The following NCOA6 variants were observed in gnomAD, a reference collection of about 807,000 sequenced individuals.
NCOA6 encodes NRC RAP250.
A neutral mutation model predicts 171.4 loss-of-function variants in NCOA6; 49 were observed. That is an observed-to-expected ratio of 0.29 (90% CI 0.23 to 0.36). NCOA6 has a LOEUF of 0.36. Among genes scored for constraint, NCOA6 ranks in the 10% least tolerant of loss-of-function variants. The pLI is 1.00. For missense variants in NCOA6, 2,248 were observed against 2,554.5 expected (o/e 0.88, Z 2.59); for synonymous variants, 910 against 927.5 (o/e 0.98, Z 0.34).
intron 3 of NCOA6, among the ~76,000 whole-genome samples, chr20:34,779,828 CTAA>C (rs1301999088): frequency 7.8e-6 from 1 of 128,306 alleles, no homozygotes; most frequent in Non-Finnish European, 1.7e-5. Flanking sequence ...TTCACTTGTT[CTAA>C]TGTGGAAAAA....
At chr20:34,758,662 G>A in intron 6 of NCOA6, 143 bp downstream of exon 6, 1 of 1,099,352 alleles carries the variant, frequency 9.1e-7, no homozygotes, top group South Asian at 1.4e-5. Flanking sequence ...CATTTAGTTT[G>A]AAGAAATCAG....
chr20:34,742,661 T>C lies in NCOA6; in HGVS notation c.3595A>G (p.Asn1199Asp). The C allele has an allele frequency of 6.2e-7, 1 of 1,614,116 alleles. No homozygotes were observed. The highest frequency in any genetic ancestry group is 1.1e-5 in the South Asian group (1 of 91,072). The change falls in exon 11 of 15, where the codon AAT (asparagine) becomes GAT (aspartate). Residue 1199 changes from asparagine to aspartate, a missense_variant. Physicochemically the swap from Asn to Asp is conservative, Grantham distance 23. This residue lies in a region of NCOA6 where 352 missense variants were observed against 419.1 expected (regional missense o/e 0.84). Transcript: ENST00000359003. ...GATGTCTGGGTTGGCGCAGCCACAT[T>C]TGGGAAGTGGTGGCCGTGAGAGCTG... is the stretch of plus-strand genomic sequence containing the variant. ...LPSSHGHHFP[N>D]VAAPTQTSRP...
chr20:34,794,345 C>G (rs187360241), intron 1 of NCOA6, among the ~76,000 whole-genome samples: 16 of 152,278 alleles, frequency 1.1e-4, no homozygotes. Flanking sequence ...AATTCCACTT[C>G]TGGATAGCAA....
At chr20:34,803,923 G>A (rs1478898423) in intron 1 of NCOA6, among the ~76,000 whole-genome samples, 3 of 151,794 alleles carry the variant, frequency 2.0e-5, no homozygotes, top group South Asian at 2.1e-4. Flanking sequence ...GCCTGAACCC[G>A]GGAGGTGGAG....
rs2076545956 is a variant in NCOA6, at chr20:34,753,272, C to G, written c.1675+1450G>C. 2.0e-5 allele frequency among the ~76,000 whole-genome samples: 3 copies of G among 151,438 alleles called. No homozygotes were observed. In the South Asian group the frequency reaches 6.3e-4, roughly 32 times the overall value. On this transcript the variant is annotated intron_variant, in intron 8 of 14. Coordinates refer to ENST00000359003, the MANE Select transcript of NCOA6 (RefSeq NM_014071.5). Reference sequence around the variant, plus strand: ...ACGTTGGTCAGGATGGTCTCAAACTCATGATCTCAAGTGATCCACCTGCCT... The same window carrying G: ...ACGTTGGTCAGGATGGTCTCAAACTGATGATCTCAAGTGATCCACCTGCCT...
At chr20:34,720,123 A>T (rs950625579) in intron 14 of NCOA6, among the ~76,000 whole-genome samples, 4 of 152,170 alleles carry the variant, frequency 2.6e-5, no homozygotes, top group African/African-American at 9.7e-5. Flanking sequence ...ACTACCTTTT[A>T]AAAAAATAAT....
intron 4 of NCOA6, among the ~76,000 whole-genome samples, chr20:34,770,983 T>C (rs1472924036): frequency 6.6e-6 from 1 of 152,132 alleles, no homozygotes; most frequent in Admixed American, 6.6e-5. Context: ...TAGCCAAGTG[T>C]TGTTCAACAG....
In NCOA6 at chr20:34,800,212, A is replaced by T. The variant is rs559752161; in HGVS notation, c.-163-7649T>A. On this transcript the variant is annotated intron_variant, in intron 1 of 14. Transcript: ENST00000359003. ...TGCAACCCTCATGATAAACTCAAATAAAAAAATACAACAGATAAGAAATAA... is the reference window on the plus strand; with the variant it reads ...TGCAACCCTCATGATAAACTCAAATTAAAAAATACAACAGATAAGAAATAA... Among the ~76,000 whole-genome samples, 65 of 152,220 alleles carry T rather than the reference A, an allele frequency of 4.3e-4. 1 individual carries two copies. Among genetic ancestry groups the T allele is most frequent in the African/African-American group, 1.5e-3 (61 of 41,564 alleles).
Position 34,757,582 on chromosome 20 carries a change from T to A in NCOA6, c.1166A>T (p.Asn389Ile). The change falls in exon 7 of 15, where the codon AAC (asparagine) becomes ATC (isoleucine). Residue 389 changes from asparagine (N) to isoleucine (I), a missense_variant. By Grantham distance (149) the Asn-to-Ile change is moderately radical. Coordinates refer to ENST00000359003, the MANE Select transcript of NCOA6 (RefSeq NM_014071.5). ...GCCTGGGTTGCTCATCTGAGGAAAGTTTGTGTGGGCTTGTGAGGCTTGCTG... is the reference window on the plus strand; with the variant it reads ...GCCTGGGTTGCTCATCTGAGGAAAGATTGTGTGGGCTTGTGAGGCTTGCTG... ...GSQQASQAHTNFPQMSNPGQF... is the reference protein window; with the variant it reads ...GSQQASQAHTIFPQMSNPGQF... The A allele has an allele frequency of 6.2e-7, 1 of 1,613,772 alleles. No homozygotes were observed. Among genetic ancestry groups the A allele is most frequent in the Non-Finnish European group, 8.5e-7 (1 of 1,179,870 alleles).
rs2076413513 is a variant in NCOA6 at position 34,749,801 on chromosome 20, G to A, written c.2394C>T (p.Ala798=). Residue 798 remains alanine (A), a synonymous_variant, in exon 9 of 15, where the codon GCC becomes GCT. Coordinates refer to ENST00000359003, the MANE Select transcript of NCOA6 (RefSeq NM_014071.5). ...TAGTAGCAGGATCACCATGCTGCTG[G>A]GCCATGTGTGGGCTGGGCCCTGGTG... ...LRPPGPSPHM[A]QQHGDPATTA... 1 of 1,614,094 alleles carries A rather than the reference G, an allele frequency of 6.2e-7. No homozygotes were observed. The highest frequency in any genetic ancestry group is 1.1e-5 in the South Asian group (1 of 91,090).
chr20:34,730,118 G>C (rs1021425071), intron 13 of NCOA6, among the ~76,000 whole-genome samples: 3 of 151,926 alleles, frequency 2.0e-5, no homozygotes, highest in African/African-American at 7.3e-5. Flanking sequence ...CCCAGGCTGG[G>C]GTGTGGGTAG....
chr20:34,729,459 T>A (rs1373251287), intron 13 of NCOA6, among the ~76,000 whole-genome samples: 1 of 152,182 alleles, frequency 6.6e-6, no homozygotes, highest in East Asian at 1.9e-4. Flanking sequence ...CAAAAACGCA[T>A]GTTAAAATGA....
chr20:34,719,358 C>T (rs1002758640), intron 14 of NCOA6, among the ~76,000 whole-genome samples: 6 of 152,072 alleles, frequency 3.9e-5, no homozygotes, highest in East Asian at 1.9e-4. Context: ...CGGCGAGATG[C>T]GGTGGCTCAC....
At chr20:34,784,759 T>C (rs1601016071) in intron 2 of NCOA6, among the ~76,000 whole-genome samples, 1 of 149,940 alleles carries the variant, frequency 6.7e-6, no homozygotes, top group Non-Finnish European at 1.5e-5. Flanking sequence ...CCAGTATGGG[T>C]GATAGCAACA....
chr20:34,767,268 C>G (rs995496212), intron 5 of NCOA6, among the ~76,000 whole-genome samples: 1 of 152,038 alleles, frequency 6.6e-6, no homozygotes, highest in Admixed American at 6.5e-5. Context: ...ATTCTATGAT[C>G]AGTTCATTAG....
At chr20:34,727,236 A>G (rs1990067305) in intron 14 of NCOA6, 23 bp downstream of exon 14, 6 of 1,610,660 alleles carry the variant, frequency 3.7e-6, no homozygotes, top group Middle Eastern at 1.7e-4. Flanking sequence ...ACCCACAAAT[A>G]GCACCCACAT....
Position 34,742,636 on chromosome 20 carries a change from G to C in NCOA6, c.3620C>G (p.Ser1207Cys). The C allele has an allele frequency of 3.1e-6, 5 of 1,614,164 alleles. No individual in the cohort carries two copies. The highest frequency in any genetic ancestry group is 4.2e-6 in the Non-Finnish European group (5 of 1,180,022). The stretch of plus-strand genomic sequence containing the variant: ...GGCTCTGTTTGGTGTTTTGGGCCTA[G>C]ATGTCTGGGTTGGCGCAGCCACATT... The part of the protein sequence containing the change: ...FPNVAAPTQT[S>C]RPKTPNRASP... The change falls in exon 11 of 15, where the codon TCT becomes TGT. Residue 1207 changes from serine (S) to cysteine (C), a missense_variant. Ser to Cys is a moderately radical substitution (Grantham distance 112). Transcript: ENST00000359003.
chr20:34,805,709 T>C (rs1274097647), intron 1 of NCOA6, among the ~76,000 whole-genome samples: 2 of 149,846 alleles, frequency 1.3e-5, no homozygotes, highest in Admixed American at 1.3e-4. Context: ...TGAGACGGAG[T>C]CTTACTCTGG....
At chr20:34,772,761 GGGATGCACGTCA>G in intron 4 of NCOA6, among the ~76,000 whole-genome samples, 1 of 152,200 alleles carries the variant, frequency 6.6e-6, no homozygotes, top group Admixed American at 6.5e-5. Context: ...ACAAGGCTGG[GGGATGCACGTCA>G]GGAAGGCATA....
Sources: gnomAD v4.1 joint callset for allele counts (sites outside exome capture counted in the v4.1 genomes callset) on GRCh38, gnomAD v4.1.1 for gene constraint, gnomAD v4.1.1 regional missense constraint, MANE v1.5 for transcripts, NCBI Gene and HGNC (gene_info 2026-07-23, HGNC 2026-07-21) for gene names.